Variants in MNS1 observed in about 807,000 individuals in gnomAD.
MNS1 encodes meiosis-specific nuclear structural protein 1.
MNS1 carries 63 observed loss-of-function variants against 72.0 expected under a neutral mutation model. That is an observed-to-expected ratio of 0.87 (90% CI 0.71 to 1.08). MNS1 has a LOEUF of 1.08. MNS1 is among the 50% of genes least tolerant of loss of function. The pLI is 0.00. For synonymous variants in MNS1, 188 were observed against 172.1 expected, an observed-to-expected ratio of 1.09 and a Z score of -0.72; for missense variants, 604 against 562.4, an observed-to-expected ratio of 1.07 and a Z score of -0.75.
Position 56,465,042 on chromosome 15 carries a change from A to G in MNS1, c.-70T>C. On this transcript the variant is annotated 5_prime_UTR_variant, in exon 1 of 10. Transcript: ENST00000260453. ...ACCTCCCGCCGCAAACGCAGCAGCC[A>G]GCAGCCCCAAGGAGCGCACCTGGCT... is the stretch of plus-strand genomic sequence containing the variant. 1.9e-6 allele frequency: 3 copies of G among 1,590,798 alleles called. No homozygotes were observed. Among genetic ancestry groups the G allele is most frequent in the Non-Finnish European group, 1.7e-6 (2 of 1,170,442 alleles).
intron 7 of MNS1, among the ~76,000 whole-genome samples, chr15:56,439,179 G>T (rs544245435): frequency 6.6e-6 from 1 of 152,042 alleles, no homozygotes; most frequent in Non-Finnish European, 1.5e-5. Context: ...TTCCATTTAC[G>T]ATTGCTCAAA....
At position 56,428,875 on chromosome 15, in the gene MNS1, T is replaced by G. The variant is rs1212985499; in HGVS notation, c.*226A>C. ...GAGGATGGGGATGCAAACAGTGCTC[T>G]GTAGTGTTGTAGAAATCGGATTTTG... On this transcript the variant is annotated 3_prime_UTR_variant, in exon 10 of 10. Coordinates refer to ENST00000260453, the MANE Select transcript of MNS1 (RefSeq NM_018365.4). 6.2e-6 allele frequency: 3 copies of G among 484,300 alleles called. No homozygotes were observed. Among genetic ancestry groups the G allele is most frequent in the African/African-American group, 4.0e-5 (2 of 49,422 alleles). 30.0% of individuals were successfully genotyped at this position (484,300 alleles called of 1,614,324 possible).
At chr15:56,440,893 T>C (rs1242089613) in intron 7 of MNS1, among the ~76,000 whole-genome samples, 1 of 152,144 alleles carries the variant, frequency 6.6e-6, no homozygotes, top group Non-Finnish European at 1.5e-5. Flanking sequence ...ATTTGGGTTA[T>C]TTCTACTTTT....
chr15:56,449,607 C>T (rs1438168541), intron 3 of MNS1, among the ~76,000 whole-genome samples: 7 of 152,110 alleles, frequency 4.6e-5, no homozygotes, highest in Non-Finnish European at 1.0e-4. Context: ...TTGGGAAGGG[C>T]TTCCTCTTTT....
Position 56,459,990 on chromosome 15 carries a change from CAAAAA to C in MNS1, c.226-3474_226-3470del, listed in dbSNP as rs150132300. Among the ~76,000 whole-genome samples, 10 of 11,112 alleles carry C rather than the reference CAAAAA, an allele frequency of 9.0e-4. 1 individual carries two copies. The highest frequency in any genetic ancestry group is 3.1e-3 in the African/African-American group (7 of 2,236). The allele number at this position is 11,112 out of a possible 152,430, so 7.3% of individuals were successfully genotyped here. On this transcript the variant is annotated intron_variant, in intron 2 of 9. Coordinates refer to ENST00000260453, the MANE Select transcript of MNS1 (RefSeq NM_018365.4). ...GGGCAACAAGAGCGAAATTCTGTCTCAAAAAAAAAAAAAAAAAAAATACATATATA... is the reference window on the plus strand; with the variant it reads ...GGGCAACAAGAGCGAAATTCTGTCTCAAAAAAAAAAAAAAATACATATATA...
intron 7 of MNS1, among the ~76,000 whole-genome samples, chr15:56,436,243 T>C (rs1273544133): frequency 6.6e-6 from 1 of 151,952 alleles, no homozygotes; most frequent in Non-Finnish European, 1.5e-5. Flanking sequence ...GAACAGAAAT[T>C]ATAACAAACT....
chr15:56,465,104 G>A lies in MNS1; in HGVS notation c.-132C>T, dbSNP rs768807468. ...GGTGTTTACGCGGCGTCTTGGCAAC[G>A]GTGGAGCTGCGCGCCCTCCGCTCGA... is the stretch of plus-strand genomic sequence containing the variant. On this transcript the variant is annotated 5_prime_UTR_variant, in exon 1 of 10. Coordinates refer to ENST00000260453, the MANE Select transcript of MNS1 (RefSeq NM_018365.4). The A allele has an allele frequency of 3.2e-6, 4 of 1,244,512 alleles. No homozygotes were observed. Among genetic ancestry groups the A allele is most frequent in the East Asian group, 4.7e-5 (2 of 42,230 alleles). The allele number at this position is 1,244,512 out of a possible 1,614,324, so 77.1% of individuals were successfully genotyped here.
rs1468550458 is a variant in MNS1 at position 56,465,067 on chromosome 15, T to C, written c.-95A>G. ...AGCAGCCCCAAGGAGCGCACCTGGC[T>C]GCGCGCGCTCGGGTGTTTACGCGGC... On this transcript the variant is annotated 5_prime_UTR_variant, in exon 1 of 10. Coordinates refer to ENST00000260453, the MANE Select transcript of MNS1 (RefSeq NM_018365.4). The C allele has an allele frequency of 2.6e-6, 4 of 1,540,272 alleles. No homozygotes were observed. Among genetic ancestry groups the C allele is most frequent in the Non-Finnish European group, 3.5e-6 (4 of 1,138,970 alleles).
In MNS1 at chr15:56,443,734, T is replaced by C. The variant is rs751673928; in HGVS notation, c.807A>G (p.Lys269=). Residue 269 remains lysine, a synonymous_variant, in exon 6 of 10, where the codon AAA becomes AAG. Transcript: ENST00000260453. The stretch of plus-strand genomic sequence containing the variant: ...GCTGCATGTTAGCAAACTCTATGAT[T>C]TTTCTGTTTTCTTCTTCCATCTCCT... The part of the protein sequence containing the change: ...KREEMEEENR[K]IIEFANMQQQ... 1 of 1,613,282 alleles carries C rather than the reference T, an allele frequency of 6.2e-7. No homozygotes were observed. Among genetic ancestry groups the C allele is most frequent in the Non-Finnish European group, 8.5e-7 (1 of 1,179,696 alleles).
chr15:56,431,112 C>G (rs554176575), intron 9 of MNS1, among the ~76,000 whole-genome samples: 14 of 152,262 alleles, frequency 9.2e-5, no homozygotes, highest in African/African-American at 3.4e-4. Flanking sequence ...TGACATCTTG[C>G]CACTGCACTC....
At chr15:56,449,198 T>C (rs1359316970) in intron 3 of MNS1, among the ~76,000 whole-genome samples, 2 of 152,188 alleles carry the variant, frequency 1.3e-5, no homozygotes, top group African/African-American at 4.8e-5. Flanking sequence ...AATACAAAGA[T>C]GACTAAAAGC....
chr15:56,461,975 G>GTTGTTTTTTTT (rs1555449789), intron 2 of MNS1, among the ~76,000 whole-genome samples: 1 of 97,914 alleles, frequency 1.0e-5, no homozygotes, highest in African/African-American at 3.8e-5. Context: ...TTTTGTTGTT[G>GTTGTTTTTTTT]TTTTTTTTTT....
In MNS1 at chr15:56,464,587, C is replaced by CACG. The variant is rs564348853; in HGVS notation, c.4-341_4-340insCGT. Among the ~76,000 whole-genome samples, 210 of 151,972 alleles carry CACG rather than the reference C, an allele frequency of 1.4e-3. 2 individuals are homozygous for CACG. The highest frequency in any genetic ancestry group is 5.6e-3 in the Admixed American group (86 of 15,266). On this transcript the variant is annotated intron_variant, in intron 1 of 9. Coordinates refer to ENST00000260453, the MANE Select transcript of MNS1 (RefSeq NM_018365.4). Reference sequence around the variant, plus strand: ...CTCCTCCCCTCATTCCACCCACCACCACCACCACCACGACTACCACCACAG... The same window carrying CACG: ...CTCCTCCCCTCATTCCACCCACCACCACGACCACCACCACGACTACCACCACAG...
chr15:56,446,873 C>T lies in MNS1; in HGVS notation c.424G>A (p.Ala142Thr), dbSNP rs145872717. The change falls in exon 4 of 10, where the codon GCT (alanine) becomes ACT (threonine). Residue 142 changes from alanine to threonine, a missense_variant. Ala to Thr is a moderately conservative substitution (Grantham distance 58). Transcript: ENST00000260453. ...YMNKERAAQI[A>T]EKDAIKYEQM... ...TCATATTTAATGGCATCCTTTTCAG[C>T]AATCTGAGCTGCCCTTTCTTTATTC... The T allele has an allele frequency of 5.6e-6, 9 of 1,610,232 alleles. No homozygotes were observed. The highest frequency in any genetic ancestry group is 2.7e-5 in the African/African-American group (2 of 74,832).
intron 4 of MNS1, 75 bp downstream of exon 4, chr15:56,446,766 C>T (rs2050907510): frequency 8.9e-7 from 1 of 1,117,388 alleles, no homozygotes; most frequent in East Asian, 2.5e-5. Flanking sequence ...TACAATATGA[C>T]AATTTTTTAA....
rs774608315 is a variant in MNS1, at chr15:56,443,804, T to C, written c.737A>G (p.Glu246Gly). 6.2e-7 allele frequency: 1 copy of C among 1,611,496 alleles called. No individual in the cohort carries two copies. Among genetic ancestry groups the C allele is most frequent in the South Asian group, 1.1e-5 (1 of 90,340 alleles). The change falls in exon 6 of 10, where the codon GAA (glutamate) becomes GGA (glycine). Residue 246 changes from glutamate (E) to glycine (G), a missense_variant. Physicochemically the swap from Glu to Gly is moderately conservative, Grantham distance 98 (BLOSUM62 -2). Coordinates refer to ENST00000260453, the MANE Select transcript of MNS1 (RefSeq NM_018365.4). ...GAGAGCCTGCTCTTTCTGAAACTCT[T>C]CTATATACCTTCGCATTGCATTCAT... ...EKMNAMRRYI[E>G]EFQKEQALWR...
At position 56,434,433 on chromosome 15, in the gene MNS1, T is replaced by G. The variant is rs771507494; in HGVS notation, c.1012-38A>C. 27 of 1,560,444 alleles carry G rather than the reference T, an allele frequency of 1.7e-5. No homozygotes were observed. The African/African-American group carries it at 3.7e-4, about 21-fold the overall frequency. ...GCTGAAAGTTAATTTAGTAACTATT[T>G]CCTTACACCAGATTTATAAGGAAAG... On this transcript the variant is annotated intron_variant, in intron 7 of 9. Coordinates refer to ENST00000260453, the MANE Select transcript of MNS1 (RefSeq NM_018365.4).
intron 7 of MNS1, among the ~76,000 whole-genome samples, chr15:56,441,216 A>T (rs1482355831): frequency 6.6e-6 from 1 of 152,000 alleles, no homozygotes; most frequent in African/African-American, 2.4e-5. Context: ...TTCATTACTG[A>T]TTTTTAATTT....
intron 3 of MNS1, among the ~76,000 whole-genome samples, chr15:56,455,556 A>C (rs187277581): frequency 1.5e-4 from 23 of 152,322 alleles, no homozygotes; most frequent in African/African-American, 5.3e-4. Flanking sequence ...CTATCGAAGT[A>C]AATTTCCAAT....
Sources: gnomAD v4.1 joint callset for allele counts (sites outside exome capture counted in the v4.1 genomes callset) on GRCh38, gnomAD v4.1.1 for gene constraint, MANE v1.5 for transcripts, NCBI Gene and HGNC (gene_info 2026-07-23, HGNC 2026-07-21) for gene names.